The following SLC12A1 variants were observed in gnomAD, a reference collection of about 807,000 sequenced individuals.
SLC12A1 encodes solute carrier family 12 member 1.
Under a neutral mutation model 130.4 loss-of-function variants are expected in SLC12A1, and 89 were observed. The ratio of observed to expected loss-of-function variants is 0.68; its 90% CI spans 0.58 to 0.81. SLC12A1 has a LOEUF of 0.81. Ranked by LOEUF, SLC12A1 falls within the 40% of genes least tolerant of loss-of-function variation. SLC12A1 has a pLI of 0.00. For synonymous variants in SLC12A1, 499 were observed against 460.0 expected, an observed-to-expected ratio of 1.08 and a Z score of -1.09; for missense variants, 1,310 against 1,336.4, an observed-to-expected ratio of 0.98 and a Z score of 0.31.
At position 48,234,964 on chromosome 15, in the gene SLC12A1, C is replaced by T. The variant is rs773263215; in HGVS notation, c.1175C>T (p.Thr392Ile). 3.7e-6 allele frequency: 6 copies of T among 1,613,832 alleles called. No homozygotes were observed. Among genetic ancestry groups the T allele is most frequent in the Non-Finnish European group, 4.2e-6 (5 of 1,179,828 alleles). ...SVFAIFFPAA[T>I]GILAGANISG... ...TTTGCCATTTTTTTCCCAGCAGCTA[C>T]TGGGATTCTTGCTGGTGCCAATATC... Residue 392 changes from threonine to isoleucine, a missense_variant, in exon 9 of 27, where the codon ACT (threonine) becomes ATT (isoleucine). Physicochemically the swap from Thr to Ile is moderately conservative, Grantham distance 89. Transcript: ENST00000380993.
intron 3 of SLC12A1, 43 bp from the exon 4 acceptor site, chr15:48,220,878 T>C (rs768030024): frequency 6.2e-7 from 1 of 1,612,132 alleles, no homozygotes; most frequent in Non-Finnish European, 8.5e-7. Flanking sequence ...TTTGTCCCAC[T>C]ATCGTTTGTC....
Position 48,244,863 on chromosome 15 carries a change from C to T in SLC12A1, c.1411C>T (p.Arg471Ter), listed in dbSNP as rs761459796. Residue 471 changes from arginine (R) to a stop codon, truncating the protein, a stop_gained, in exon 11 of 27, where the codon CGA becomes TGA. Coordinates refer to ENST00000380993, the MANE Select transcript of SLC12A1 (RefSeq NM_000338.3). LOFTEE classifies it high-confidence loss of function. ...GTTGGGCTATGACTTCTCAAGATGT[C>T]GACATGAACCATGTCAGTACGGGCT... is the stretch of plus-strand genomic sequence containing the variant. ...CGLGYDFSRC[R>*]HEPCQYGLMN... 5.6e-6 allele frequency: 9 copies of T among 1,613,646 alleles called. No homozygotes were observed. In the East Asian group the frequency reaches 8.9e-5, roughly 16 times the overall value.
chr15:48,259,434 C>T, intron 17 of SLC12A1, 123 bp downstream of exon 17: 1 of 724,890 alleles, frequency 1.4e-6, no homozygotes, highest in Non-Finnish European at 2.5e-6. Context: ...TATAGGAGAG[C>T]CCTCTACCTT....
At position 48,230,505 on chromosome 15, in the gene SLC12A1, TA is replaced by T. The variant is rs1208338731; in HGVS notation, c.975+5del. 1 of 1,584,660 alleles carries T rather than the reference TA, an allele frequency of 6.3e-7. No individual in the cohort carries two copies. Among genetic ancestry groups the T allele is most frequent in the Non-Finnish European group, 8.6e-7 (1 of 1,156,504 alleles). On this transcript the variant is annotated splice_donor_region_variant and intron_variant, in intron 7 of 26. Coordinates refer to ENST00000380993, the MANE Select transcript of SLC12A1 (RefSeq NM_000338.3). ...GCTGGAATGGAATGGGAGGCAAAGG[TA>T]AATTTCTCAAAAATGATATTATCAA...
chr15:48,225,860 G>A (rs941370301), intron 4 of SLC12A1: 6 of 981,302 alleles, frequency 6.1e-6, no homozygotes, highest in African/African-American at 1.8e-5. Context: ...AGGTCTTGGT[G>A]TGATTATCAT....
At chr15:48,279,688 A>G (rs1422239634) in intron 20 of SLC12A1, among the ~76,000 whole-genome samples, 1 of 152,216 alleles carries the variant, frequency 6.6e-6, no homozygotes, top group Non-Finnish European at 1.5e-5. Flanking sequence ...CAACTACAAC[A>G]AGGAGTCAAA....
At position 48,276,617 on chromosome 15, in the gene SLC12A1, G is replaced by A. The variant is rs568208907; in HGVS notation, c.2485+1964G>A. On this transcript the variant is annotated intron_variant, in intron 20 of 26. Coordinates refer to ENST00000380993, the MANE Select transcript of SLC12A1 (RefSeq NM_000338.3). ...ACCGATGCCTTGACCTTGGACTTCC[G>A]GCCTCCAGAATTGTGAGGAAATAAA... Among the ~76,000 whole-genome samples the A allele has an allele frequency of 1.3e-4, 20 of 152,246 alleles. No individual in the cohort carries two copies. The South Asian group carries it at 3.1e-3, about 24-fold the overall frequency.
chr15:48,249,922 T>C (rs1404840742), intron 14 of SLC12A1, among the ~76,000 whole-genome samples: 1 of 152,204 alleles, frequency 6.6e-6, no homozygotes, highest in African/African-American at 2.4e-5. Context: ...AAATTATTCA[T>C]TGCAAGAGAA....
At chr15:48,290,830 T>C (rs1469922655) in intron 23 of SLC12A1, among the ~76,000 whole-genome samples, 1 of 152,198 alleles carries the variant, frequency 6.6e-6, no homozygotes, top group Non-Finnish European at 1.5e-5. Flanking sequence ...ACTAACATAA[T>C]GTCTATAATA....
At chr15:48,297,309 A>C (rs1329718995) in intron 24 of SLC12A1, among the ~76,000 whole-genome samples, 1 of 152,190 alleles carries the variant, frequency 6.6e-6, no homozygotes, top group Non-Finnish European at 1.5e-5. Context: ...AACCTAAGCC[A>C]CTGAGACATT....
chr15:48,214,628 AT>A (rs1260935344), intron 2 of SLC12A1, among the ~76,000 whole-genome samples: 1 of 152,236 alleles, frequency 6.6e-6, no homozygotes, highest in Non-Finnish European at 1.5e-5. Flanking sequence ...ATAGAAATGT[AT>A]AAACATAATA....
chr15:48,209,084 G>C (rs992822334), intron 2 of SLC12A1, among the ~76,000 whole-genome samples: 2 of 152,234 alleles, frequency 1.3e-5, no homozygotes, highest in East Asian at 3.9e-4. Context: ...TTTTTGAGAC[G>C]AAGTATCGCT....
At chr15:48,244,522 T>C (rs1300084414) in intron 10 of SLC12A1, among the ~76,000 whole-genome samples, 5 of 152,140 alleles carry the variant, frequency 3.3e-5, no homozygotes, top group Admixed American at 3.3e-4. Context: ...CTCCCAAGTC[T>C]CTTACCACTC....
intron 20 of SLC12A1, among the ~76,000 whole-genome samples, chr15:48,282,026 T>C (rs945229080): frequency 2.6e-5 from 4 of 152,142 alleles, no homozygotes; most frequent in Non-Finnish European, 5.9e-5. Flanking sequence ...CTGTTTAGTG[T>C]TGAAATGCGA....
intron 17 of SLC12A1, among the ~76,000 whole-genome samples, chr15:48,265,775 G>A (rs2041825599): frequency 6.6e-6 from 1 of 151,998 alleles, no homozygotes; most frequent in South Asian, 2.1e-4. Context: ...AATTTAAATA[G>A]AATATTAAAA....
chr15:48,226,389 T>G, intron 4 of SLC12A1, 87 bp from the exon 5 acceptor site: 1 of 790,746 alleles, frequency 1.3e-6, no homozygotes, highest in East Asian at 2.8e-5. Flanking sequence ...CCTGAAAACT[T>G]AAGTTAAAGG....
chr15:48,248,817 G>A (rs923420829), intron 13 of SLC12A1, among the ~76,000 whole-genome samples: 27 of 152,348 alleles, frequency 1.8e-4, no homozygotes, highest in African/African-American at 6.5e-4. Context: ...GCTGACGTGG[G>A]CAGATCACTG....
intron 19 of SLC12A1, 55 bp downstream of exon 19, chr15:48,269,819 T>C: frequency 1.0e-6 from 1 of 958,324 alleles, no homozygotes; most frequent in Non-Finnish European, 1.7e-6. Flanking sequence ...AGCAGGGCAG[T>C]ACATAACTTG....
intron 8 of SLC12A1, among the ~76,000 whole-genome samples, chr15:48,233,486 C>A (rs770122753): frequency 4.6e-5 from 7 of 152,228 alleles, no homozygotes; most frequent in Non-Finnish European, 8.8e-5. Context: ...TTAAGCATCA[C>A]TGTCAGGCTT....
Sources: gnomAD v4.1 joint callset for allele counts (sites outside exome capture counted in the v4.1 genomes callset) on GRCh38, gnomAD v4.1.1 for gene constraint, MANE v1.5 for transcripts, NCBI Gene and HGNC (gene_info 2026-07-23, HGNC 2026-07-21) for gene names.